FBLIM1: variants seen among roughly 807,000 people sequenced by gnomAD.
FBLIM1 encodes the protein filamin binding LIM protein 1, also known as filamin-binding LIM protein 1.
FBLIM1 carries 29 observed loss-of-function variants against 37.4 expected under a neutral mutation model. The ratio of observed to expected loss-of-function variants is 0.77; its 90% confidence interval spans 0.58 to 1.06. FBLIM1 has a LOEUF of 1.06. Among genes scored for constraint, FBLIM1 ranks in the 50% least tolerant of loss-of-function variants. The pLI is 0.00. For synonymous variants in FBLIM1, 193 were observed against 199.0 expected, an observed-to-expected ratio of 0.97 and a Z score of 0.25; for missense variants, 449 against 505.6, an observed-to-expected ratio of 0.89 and a Z score of 1.07.
chr1:15,772,154 G>A (rs1178815897), intron 6 of FBLIM1, among the ~76,000 whole-genome samples: 2 of 152,176 alleles, frequency 1.3e-5, no homozygotes, highest in African/African-American at 4.8e-5. Flanking sequence ...TTGAATCAGT[G>A]TCTCAAGTGA....
chr1:15,781,514 C>CT (rs1363629365), intron 8 of FBLIM1, among the ~76,000 whole-genome samples: 1 of 71,088 alleles, frequency 1.4e-5, no homozygotes, highest in Non-Finnish European at 2.8e-5. Context: ...GAGCAAGACT[C>CT]TGTCTCAAAA....
chr1:15,757,053 G>A (rs2068458031), upstream of FBLIM1, among the ~76,000 whole-genome samples: 1 of 152,182 alleles, frequency 6.6e-6, no homozygotes. The surrounding 1 kb of genome is among the most constrained non-coding windows in gnomAD (Gnocchi z 4.1). Flanking sequence ...CGTTCAGAGG[G>A]TATGGGGAAG....
chr1:15,761,236 G>C (rs12081206), intron 1 of FBLIM1, among the ~76,000 whole-genome samples: 41,189 of 152,024 alleles, frequency 0.27, 6,688 homozygotes, highest in African/African-American at 0.46. Context: ...TGTAGAGTGA[G>C]AACAGGCCTG....
intron 8 of FBLIM1, among the ~76,000 whole-genome samples, chr1:15,783,445 G>T (rs2069692987): frequency 6.6e-6 from 1 of 151,962 alleles, no homozygotes; most frequent in Non-Finnish European, 1.5e-5. Context: ...CCTGGACCTT[G>T]GTATCCCACC....
chr1:15,771,754 G>A (rs368959261), intron 6 of FBLIM1, among the ~76,000 whole-genome samples: 1 of 151,720 alleles, frequency 6.6e-6, no homozygotes, highest in Admixed American at 6.6e-5. Context: ...CTCTTTTGCC[G>A]GGCAAGGTAA....
Position 15,777,204 on chromosome 1 carries a change from C to T in FBLIM1, c.925C>T (p.Pro309Ser), listed in dbSNP as rs748911320. 3.1e-6 allele frequency: 5 copies of T among 1,611,968 alleles called. No individual in the cohort carries two copies. Residue 309 changes from proline to serine, a missense_variant, in exon 8 of 9, where the codon CCC becomes TCC. Physicochemically the swap from Pro to Ser is moderately conservative, Grantham distance 74 (BLOSUM62 -1). Coordinates refer to ENST00000375766, the MANE Select transcript of FBLIM1 (RefSeq NM_017556.4). ...CCCCGTCTGCAGCATCTGTGAAAAT[C>T]CCATCATCCCTCGGGATGGGAAAGA... ...FAPVCSICEN[P>S]IIPRDGKDAF...
At chr1:15,770,976 A>G (rs1041675555) in intron 6 of FBLIM1, among the ~76,000 whole-genome samples, 16 of 151,824 alleles carry the variant, frequency 1.1e-4, no homozygotes, top group East Asian at 3.9e-4. Flanking sequence ...GTCTCACTCT[A>G]TCGCCCAGGC....
chr1:15,782,469 T>G (rs984571061), intron 8 of FBLIM1, among the ~76,000 whole-genome samples: 2 of 151,202 alleles, frequency 1.3e-5, no homozygotes, highest in African/African-American at 4.9e-5. Flanking sequence ...GTTCCAGCCA[T>G]GCTTGTGTGG....
chr1:15,760,479 G>A (rs2068616320), intron 1 of FBLIM1, among the ~76,000 whole-genome samples: 1 of 144,964 alleles, frequency 6.9e-6, no homozygotes, highest in South Asian at 2.2e-4. Flanking sequence ...TCAGTGAGCT[G>A]AGATTGCGCC....
Position 15,775,088 on chromosome 1 carries a change from CG to C in FBLIM1, c.890+295del, listed in dbSNP as rs1351458921. 5.6e-6 allele frequency: 3 copies of C among 540,438 alleles called. No homozygotes were observed. The African/African-American group carries it at 5.8e-5, about 11-fold the overall frequency. 33.5% of individuals were successfully genotyped at this position (540,438 alleles called of 1,614,324 possible). ...AAAAAAAATTAGCCAGGCATGGTGG[CG>C]GGCGCCTGTAGTCCCAGCTACTCGG... On this transcript the variant is annotated intron_variant, in intron 7 of 8. Coordinates refer to ENST00000375766, the MANE Select transcript of FBLIM1 (RefSeq NM_017556.4).
chr1:15,759,568 G>A (rs1383223234), intron 1 of FBLIM1, among the ~76,000 whole-genome samples: 1 of 152,190 alleles, frequency 6.6e-6, no homozygotes, highest in Non-Finnish European at 1.5e-5. Context: ...CAGCCCCCGG[G>A]CTGCTTCTCC....
chr1:15,783,014 G>A (rs992412574), intron 8 of FBLIM1, among the ~76,000 whole-genome samples: 1 of 151,758 alleles, frequency 6.6e-6, no homozygotes, highest in Non-Finnish European at 1.5e-5. Flanking sequence ...CAGGCTGGTC[G>A]CAAACTCCTG....
At chr1:15,771,954 A>G (rs2069238018) in intron 6 of FBLIM1, among the ~76,000 whole-genome samples, 1 of 151,946 alleles carries the variant, frequency 6.6e-6, no homozygotes, top group African/African-American at 2.4e-5. Context: ...TCTCACGGGA[A>G]TCTGTGTTGC....
chr1:15,781,235 G>T (rs942887217), intron 8 of FBLIM1, among the ~76,000 whole-genome samples: 1 of 152,084 alleles, frequency 6.6e-6, no homozygotes, highest in African/African-American at 2.4e-5. Flanking sequence ...GCGTGTGTCT[G>T]TAGTCCCAGC....
At chr1:15,783,565 C>G (rs1275466348) in intron 8 of FBLIM1, among the ~76,000 whole-genome samples, 4 of 140,306 alleles carry the variant, frequency 2.9e-5, no homozygotes, top group Admixed American at 2.2e-4. Flanking sequence ...GTAGAACTTA[C>G]GTTCTTTTTT....
upstream of FBLIM1, among the ~76,000 whole-genome samples, chr1:15,756,902 G>T (rs2068453210): frequency 6.6e-6 from 1 of 152,190 alleles, no homozygotes; most frequent in Non-Finnish European, 1.5e-5. Flanking sequence ...GGGCTGTCAT[G>T]GAGGTGAGGG....
chr1:15,759,533 T>C (rs1190696489), intron 1 of FBLIM1, among the ~76,000 whole-genome samples: 1 of 151,892 alleles, frequency 6.6e-6, no homozygotes, highest in Admixed American at 6.6e-5. Context: ...TCTGTCCGGG[T>C]CCTGGAGGCA....
chr1:15,773,635 C>T lies in FBLIM1; in HGVS notation c.712-983C>T, dbSNP rs543316656. ...ACGAGGTTGTGGTGAGCCAAGATTG[C>T]GCCACTGCACTTCAGCCTGATTGAC... On this transcript the variant is annotated intron_variant, in intron 6 of 8. Coordinates refer to ENST00000375766, the MANE Select transcript of FBLIM1 (RefSeq NM_017556.4). 6.9e-5 allele frequency among the ~76,000 whole-genome samples: 10 copies of T among 144,752 alleles called. No individual in the cohort carries two copies. The South Asian group carries it at 1.1e-3, about 16-fold the overall frequency. 95.0% of individuals were successfully genotyped at this position (144,752 alleles called of 152,430 possible).
At chr1:15,769,208 G>C (rs1005905303) in intron 5 of FBLIM1, among the ~76,000 whole-genome samples, 24 of 152,332 alleles carry the variant, frequency 1.6e-4, no homozygotes, top group African/African-American at 4.8e-4. Flanking sequence ...TGAGCGTGGT[G>C]GCTCACGCCT....
Sources: gnomAD v4.1 joint callset for allele counts (sites outside exome capture counted in the v4.1 genomes callset) on GRCh38, gnomAD v4.1.1 for gene constraint, Gnocchi (gnomAD v3.1) non-coding constraint, MANE v1.5 for transcripts, NCBI Gene and HGNC (gene_info 2026-07-23, HGNC 2026-07-21) for gene names.